The following SNTG1 variants were observed in gnomAD, a reference collection of about 807,000 sequenced individuals.
SNTG1 encodes the protein syntrophin gamma 1, also known as gamma-1-syntrophin.
Under a neutral mutation model 74.7 loss-of-function variants are expected in SNTG1, and 39 were observed. The observed-to-expected ratio is 0.52, with a 90% CI of 0.40 to 0.68. The LOEUF is 0.68. Ranked by LOEUF, SNTG1 falls within the 30% of genes least tolerant of loss-of-function variation. The pLI, the probability that SNTG1 is intolerant of heterozygous loss-of-function variation, is 0.00. For missense variants in SNTG1, 685 were observed against 609.5 expected (o/e 1.12, Z -1.30); for synonymous variants, 254 against 217.1 (o/e 1.17, Z -1.49).
At chr8:50,783,564 G>C (rs539006554) in intron 18 of SNTG1, among the ~76,000 whole-genome samples, 1 of 152,194 alleles carries the variant, frequency 6.6e-6, no homozygotes, top group Admixed American at 6.5e-5. Flanking sequence ...CACAGTATTC[G>C]GGTGGGAGTG....
intron 2 of SNTG1, among the ~76,000 whole-genome samples, chr8:50,311,230 G>A (rs2090099258): frequency 6.6e-6 from 1 of 152,132 alleles, no homozygotes; most frequent in South Asian, 2.1e-4. Context: ...ATAGTTAAGG[G>A]ACTGTGGCTG....
Position 50,316,142 on chromosome 8 carries a change from A to T in SNTG1, c.-27-78070A>T, listed in dbSNP as rs548924227. Among the ~76,000 whole-genome samples the T allele has an allele frequency of 5.3e-4, 81 of 152,292 alleles. 1 individual carries two copies. Among genetic ancestry groups the T allele is most frequent in the Middle Eastern group, 3.4e-3 (1 of 294 alleles). ...TCTCTCAGTCTTGTCACTGCAAGTGATCAATTCAAAACATTTAAAAACAAT... is the reference window on the plus strand; with the variant it reads ...TCTCTCAGTCTTGTCACTGCAAGTGTTCAATTCAAAACATTTAAAAACAAT... On this transcript the variant is annotated intron_variant, in intron 2 of 18. Coordinates refer to ENST00000642720, the MANE Select transcript of SNTG1 (RefSeq NM_018967.5).
intron 1 of SNTG1, among the ~76,000 whole-genome samples, chr8:49,949,627 C>T (rs377564743): frequency 9.9e-5 from 15 of 152,202 alleles, no homozygotes; most frequent in East Asian, 5.8e-4. Context: ...TATATTTTTC[C>T]GTTAAATATG....
At chr8:50,669,695 G>T (rs999470321) in intron 15 of SNTG1, among the ~76,000 whole-genome samples, 30 of 152,134 alleles carry the variant, frequency 2.0e-4, no homozygotes, top group Non-Finnish European at 3.7e-4. Flanking sequence ...ATTTTATGAG[G>T]CCAGCATCAT....
At chr8:50,660,389 G>GAAAAA (rs1164628324) in intron 15 of SNTG1, among the ~76,000 whole-genome samples, 15 of 85,724 alleles carry the variant, frequency 1.7e-4, no homozygotes, top group African/African-American at 5.5e-4. Context: ...AAGGAAGGAA[G>GAAAAA]GAAGAAAAAG....
At chr8:50,490,644 G>T (rs192774520) in intron 8 of SNTG1, among the ~76,000 whole-genome samples, 1 of 152,228 alleles carries the variant, frequency 6.6e-6, no homozygotes, top group Admixed American at 6.5e-5. Context: ...GGTTAAAACC[G>T]TAAATCCACA....
chr8:50,111,767 G>A (rs562885719), intron 1 of SNTG1, among the ~76,000 whole-genome samples: 1 of 152,224 alleles, frequency 6.6e-6, no homozygotes, highest in East Asian at 1.9e-4. Flanking sequence ...CTGAAATTAT[G>A]AGTGACAAAT....
At position 50,246,755 on chromosome 8, in the gene SNTG1, A is replaced by T. The variant is rs1490495272; in HGVS notation, c.-28+74120A>T. 2.6e-5 allele frequency among the ~76,000 whole-genome samples: 4 copies of T among 152,004 alleles called. No homozygotes were observed. In the East Asian group the frequency reaches 7.7e-4, roughly 29 times the overall value. On this transcript the variant is annotated intron_variant, in intron 2 of 18. Transcript: ENST00000642720. ...CATGGTAGGAAGATATCATGATTTGACCCTCCAGAGAGTCAACAAATAAAA... is the reference window on the plus strand; with the variant it reads ...CATGGTAGGAAGATATCATGATTTGTCCCTCCAGAGAGTCAACAAATAAAA...
In SNTG1 at chr8:49,995,450, A is replaced by T. The variant is rs1436580256; in HGVS notation, c.-103+83219A>T. 2.0e-5 allele frequency among the ~76,000 whole-genome samples: 3 copies of T among 152,316 alleles called. No homozygotes were observed. In the East Asian group the frequency reaches 5.8e-4, roughly 29 times the overall value. ...CTGGAGAGAGTATTGACATAGAAGGATTAGTGGGAAGAGCTAAGAACCCAG... is the reference window on the plus strand; with the variant it reads ...CTGGAGAGAGTATTGACATAGAAGGTTTAGTGGGAAGAGCTAAGAACCCAG... On this transcript the variant is annotated intron_variant, in intron 1 of 18. Transcript: ENST00000642720.
At chr8:49,985,384 G>A (rs1813060120) in intron 1 of SNTG1, among the ~76,000 whole-genome samples, 1 of 152,038 alleles carries the variant, frequency 6.6e-6, no homozygotes, top group African/African-American at 2.4e-5. Flanking sequence ...GCCCGTCTCG[G>A]CTTCCTAAGT....
At chr8:50,005,932 AC>A (rs1260584251) in intron 1 of SNTG1, among the ~76,000 whole-genome samples, 4 of 101,688 alleles carry the variant, frequency 3.9e-5, no homozygotes, top group Admixed American at 9.4e-5. Context: ...CTGTTACTTT[AC>A]TTTTCATTTC....
chr8:50,658,695 G>A (rs1429408092), intron 15 of SNTG1, 32 bp downstream of exon 15: 4 of 1,500,146 alleles, frequency 2.7e-6, no homozygotes, highest in South Asian at 2.3e-5. Context: ...TATTTGAATG[G>A]CTTTTCCTCA....
intron 12 of SNTG1, among the ~76,000 whole-genome samples, chr8:50,557,955 C>A (rs999199467): frequency 1.3e-5 from 2 of 152,132 alleles, no homozygotes; most frequent in Non-Finnish European, 2.9e-5. Context: ...CACATAAAAT[C>A]GGGATATCGC....
chr8:50,308,988 C>T (rs1350006455), intron 2 of SNTG1, among the ~76,000 whole-genome samples: 1 of 152,072 alleles, frequency 6.6e-6, no homozygotes, highest in East Asian at 1.9e-4. Flanking sequence ...TCAAAGATGA[C>T]TTTGAAAGGC....
chr8:50,283,409 A>C (rs1285314303), intron 2 of SNTG1, among the ~76,000 whole-genome samples: 1 of 152,214 alleles, frequency 6.6e-6, no homozygotes, highest in African/African-American at 2.4e-5. Context: ...TCAGAGAAAA[A>C]TGATTGTCTG....
At chr8:50,075,975 T>C (rs944795545) in intron 1 of SNTG1, among the ~76,000 whole-genome samples, 6 of 152,308 alleles carry the variant, frequency 3.9e-5, no homozygotes, top group African/African-American at 1.2e-4. Context: ...AGCTTCATTC[T>C]TGAAGTCAGT....
intron 1 of SNTG1, among the ~76,000 whole-genome samples, chr8:50,069,010 AT>A (rs2130988401): frequency 6.6e-6 from 1 of 152,324 alleles, no homozygotes; most frequent in South Asian, 2.1e-4. Flanking sequence ...ATCATATCTT[AT>A]TTATGATTTA....
At chr8:50,002,923 G>A (rs1352114) in intron 1 of SNTG1, among the ~76,000 whole-genome samples, 98,237 of 152,058 alleles carry the variant, frequency 0.65, 35,650 homozygotes, top group East Asian at 0.83. Flanking sequence ...TGTGAGAAGG[G>A]AAAGGTACTG....
intron 17 of SNTG1, among the ~76,000 whole-genome samples, chr8:50,725,549 C>T (rs2095498065): frequency 6.6e-6 from 1 of 152,104 alleles, no homozygotes; most frequent in Admixed American, 6.5e-5. Flanking sequence ...ACAAACTCTA[C>T]AGAATGGCCA....
Sources: allele counts gnomAD v4.1 joint callset (sites outside exome capture counted in the v4.1 genomes callset), GRCh38; gene constraint gnomAD v4.1.1; transcripts MANE v1.5; gene names NCBI Gene and HGNC (gene_info 2026-07-23, HGNC 2026-07-21).